Variants in DCP1B observed in about 807,000 individuals in gnomAD.
DCP1B encodes the protein mRNA-decapping enzyme 1B.
In DCP1B, 47 loss-of-function variants were observed where a neutral mutation model predicts 60.5. The observed-to-expected ratio is 0.78, with a 90% CI of 0.61 to 0.99. DCP1B has a LOEUF of 0.99. DCP1B is among the 50% of genes least tolerant of loss of function. The pLI is 0.00. For missense variants in DCP1B, 725 were observed against 756.8 expected, an observed-to-expected ratio of 0.96 and a Z score of 0.49; for synonymous variants, 267 against 280.3, an observed-to-expected ratio of 0.95 and a Z score of 0.47.
rs2032144435 is a variant in DCP1B at position 1,971,306 on chromosome 12, T to A, written c.320-3396A>T. ...GTGACTTCCTCACTCTAAGAACTCA[T>A]CTCTCCATATTTAATCAGGATTTAC... On this transcript the variant is annotated intron_variant, in intron 3 of 8. Transcript: ENST00000280665. This position sits in a 1 kb window ranked among gnomAD's most constrained non-coding sequence, Gnocchi z 4.2. The A allele has an allele frequency of 1.7e-6, 1 of 593,596 alleles. No homozygotes were observed. Among genetic ancestry groups the A allele is most frequent in the African/African-American group, 1.9e-5 (1 of 51,836 alleles). The allele number at this position is 593,596 out of a possible 1,614,324, so 36.8% of individuals were successfully genotyped here.
chr12:1,974,796 CCAT>C (rs2154460183), intron 3 of DCP1B, among the ~76,000 whole-genome samples: 1 of 152,264 alleles, frequency 6.6e-6, no homozygotes, highest in East Asian at 1.9e-4. Flanking sequence ...ACAACTATCA[CCAT>C]AAGTGAATCT....
Position 1,953,265 on chromosome 12 carries a change from G to C in DCP1B, c.675C>G (p.His225Gln), listed in dbSNP as rs1333626270. The C allele has an allele frequency of 1.3e-6, 2 of 1,599,936 alleles. No homozygotes were observed. The highest frequency in any genetic ancestry group is 3.3e-5 in the Admixed American group (2 of 59,866). Residue 225 changes from histidine (H) to glutamine (Q), a missense_variant, in exon 7 of 9, where the codon CAC becomes CAG. Transcript: ENST00000280665. ...TCCCAAACAGAGCTGTCAAGGATAA[G>C]TGTTGGGGTTCAGGGTCTAAGGTCT... Reference protein sequence around the residue: ...PNQTLDPEPQHLSLTALFGKQ... With the variant: ...PNQTLDPEPQQLSLTALFGKQ...
intron 3 of DCP1B, chr12:1,992,009 C>T (rs1289869365): frequency 7.2e-6 from 2 of 277,384 alleles, no homozygotes; most frequent in African/African-American, 2.3e-5. Flanking sequence ...TAACTATAAG[C>T]ACACAAAACA....
At chr12:1,994,766 C>G (rs1195553874) in intron 2 of DCP1B, among the ~76,000 whole-genome samples, 1 of 152,168 alleles carries the variant, frequency 6.6e-6, no homozygotes, top group Non-Finnish European at 1.5e-5. Context: ...CAGGATCTCA[C>G]CTCTTTAATA....
At chr12:1,987,755 GCTTTCATATT>G (rs1324681146) in intron 3 of DCP1B, among the ~76,000 whole-genome samples, 1 of 152,112 alleles carries the variant, frequency 6.6e-6, no homozygotes, top group Non-Finnish European at 1.5e-5. Flanking sequence ...CCAATATAAT[GCTTTCATATT>G]CAGTGTCTTT....
chr12:1,977,080 A>C (rs1228746831), intron 3 of DCP1B, among the ~76,000 whole-genome samples: 1 of 152,220 alleles, frequency 6.6e-6, no homozygotes, highest in African/African-American at 2.4e-5. Flanking sequence ...ATAAATTTAC[A>C]CAGAGTTCAC....
downstream of DCP1B, among the ~76,000 whole-genome samples, chr12:1,944,883 T>G (rs1206737525): frequency 6.6e-6 from 1 of 152,156 alleles, no homozygotes; most frequent in East Asian, 1.9e-4. Flanking sequence ...TGCAAAGACT[T>G]CATGACTAAA....
intron 1 of DCP1B, 154 bp downstream of exon 1, chr12:2,004,128 C>A (rs775543886): frequency 2.7e-6 from 3 of 1,093,098 alleles, no homozygotes; most frequent in Non-Finnish European, 3.9e-6. Flanking sequence ...CCCCCGAGAC[C>A]CCATCTCCAC....
intron 3 of DCP1B, among the ~76,000 whole-genome samples, chr12:1,984,306 T>C (rs760647450): frequency 6.6e-6 from 1 of 152,218 alleles, no homozygotes; most frequent in South Asian, 2.1e-4. Flanking sequence ...TTTGCTCTCC[T>C]GTTACCCTCT....
At chr12:1,944,996 A>C (rs910832526), downstream of DCP1B, among the ~76,000 whole-genome samples, 90 of 152,244 alleles carry the variant, frequency 5.9e-4, 1 homozygote, top group African/African-American at 2.2e-3. Flanking sequence ...ATGAACAGGC[A>C]ACCTACAGAA....
intron 5 of DCP1B, among the ~76,000 whole-genome samples, chr12:1,959,578 C>CA (rs2031044715): frequency 1.3e-5 from 2 of 152,138 alleles, no homozygotes; most frequent in Admixed American, 1.3e-4. Context: ...ATCAAAAAGG[C>CA]AAAACATAAG....
chr12:1,968,453 G>A (rs746423824), intron 3 of DCP1B, among the ~76,000 whole-genome samples: 6 of 151,494 alleles, frequency 4.0e-5, no homozygotes, highest in Non-Finnish European at 5.9e-5. Context: ...ACTGTGCTCC[G>A]CGTGAAAACA....
chr12:2,000,457 C>A lies in DCP1B; in HGVS notation c.151-2482G>T, dbSNP rs57846413. On this transcript the variant is annotated intron_variant, in intron 1 of 8. Transcript: ENST00000280665. ...TTTCTTCCTTGATGTAACAGAAATT[C>A]TCTTTTCTTAATTAAAAAAAAAAAA... is the stretch of plus-strand genomic sequence containing the variant. 4.0e-5 allele frequency among the ~76,000 whole-genome samples: 6 copies of A among 150,052 alleles called. No individual in the cohort carries two copies. In the South Asian group the frequency reaches 1.3e-3, roughly 32 times the overall value.
intron 3 of DCP1B, among the ~76,000 whole-genome samples, chr12:1,969,545 C>CTTTTTTT (rs780218221): frequency 1.5e-5 from 2 of 130,168 alleles, no homozygotes; most frequent in African/African-American, 5.8e-5. Context: ...GGTACACTGA[C>CTTTTTTT]TTTTTTTTTT....
At chr12:1,945,331 G>T (rs187981581), downstream of DCP1B, among the ~76,000 whole-genome samples, 161 of 152,356 alleles carry the variant, frequency 1.1e-3, 1 homozygote, top group Middle Eastern at 0.024. Context: ...TTGTTGTTGG[G>T]AGTGTAAATT....
At chr12:1,991,677 C>T (rs756388177) in intron 3 of DCP1B, 15 of 166,864 alleles carry the variant, frequency 9.0e-5, no homozygotes, top group Admixed American at 1.8e-4. Flanking sequence ...GGACAGCACA[C>T]GCTTAGAACC....
At position 1,952,834 on chromosome 12, in the gene DCP1B, C is replaced by T. The variant is rs61746572; in HGVS notation, c.1106G>A (p.Cys369Tyr). The T allele has an allele frequency of 1.6e-3, 2,583 of 1,614,196 alleles. 34 individuals carry two copies. In the African/African-American group the frequency reaches 0.03, roughly 19 times the overall value. Residue 369 changes from cysteine (C) to tyrosine (Y), a missense_variant, in exon 7 of 9, where the codon TGT (cysteine) becomes TAT (tyrosine). Transcript: ENST00000280665. ...GGCAGGTGCTGGTGTACTAGGGTCA[C>T]ACTTGTTTGCTGCCCCTGGGGTACT... ...LQSTPGAANK[C>Y]DPSTPAPASS...
chr12:1,964,555 A>G (rs569928279), intron 5 of DCP1B, among the ~76,000 whole-genome samples: 2 of 152,236 alleles, frequency 1.3e-5, no homozygotes, highest in South Asian at 4.1e-4. Flanking sequence ...GAATCATTAT[A>G]TTTTTACATT....
rs775709702 is a variant in DCP1B at position 1,949,191 on chromosome 12, A to G, written c.1668T>C (p.Ala556=). The G allele has an allele frequency of 6.2e-7, 1 of 1,614,176 alleles. No individual in the cohort carries two copies. Among genetic ancestry groups the G allele is most frequent in the South Asian group, 1.1e-5 (1 of 91,084 alleles). ...GTATGGGCAGGAGGAGGCTGGTGGCAGCAGCAGGTGGCTCCTGGCCTCCCA... is the reference window on the plus strand; with the variant it reads ...GTATGGGCAGGAGGAGGCTGGTGGCGGCAGCAGGTGGCTCCTGGCCTCCCA... ...LPVGGQEPPA[A]ATSLLLPIQS... The change falls in exon 8 of 9, where the codon GCT becomes GCC. Residue 556 remains alanine, a synonymous_variant. Coordinates refer to ENST00000280665, the MANE Select transcript of DCP1B (RefSeq NM_152640.5).
Sources: allele counts gnomAD v4.1 joint callset (sites outside exome capture counted in the v4.1 genomes callset), GRCh38; gene constraint gnomAD v4.1.1; non-coding constraint Gnocchi (gnomAD v3.1); transcripts MANE v1.5; gene names NCBI Gene and HGNC (gene_info 2026-07-23, HGNC 2026-07-21).